LRMDA: variants seen among roughly 807,000 people sequenced by gnomAD.
LRMDA encodes leucine rich melanocyte differentiation associated.
A neutral mutation model predicts 29.8 loss-of-function variants in LRMDA; 18 were observed. That is an observed-to-expected ratio of 0.60 (90% CI 0.42 to 0.90). LRMDA has a LOEUF of 0.90. Among genes scored for constraint, LRMDA ranks in the 40% least tolerant of loss-of-function variants. The pLI, the probability that LRMDA is intolerant of heterozygous loss-of-function variation, is 0.00. For missense variants in LRMDA, 273 were observed against 273.9 expected (o/e 1.00, Z 0.02); for synonymous variants, 125 against 109.4 (o/e 1.14, Z -0.89).
intron 3 of LRMDA, among the ~76,000 whole-genome samples, chr10:76,044,388 G>A (rs998646945): frequency 6.6e-6 from 1 of 151,734 alleles, no homozygotes; most frequent in African/African-American, 2.4e-5. Context: ...GGCACCTGAG[G>A]TGTCTGTGCC....
intron 2 of LRMDA, among the ~76,000 whole-genome samples, chr10:75,618,367 T>C (rs1268964833): frequency 2.0e-5 from 1 of 51,174 alleles, no homozygotes; most frequent in Non-Finnish European, 5.0e-5. Flanking sequence ...TCTCTCTCTC[T>C]CTCTCTCTCT....
At chr10:75,993,036 A>G (rs575338224) in intron 2 of LRMDA, among the ~76,000 whole-genome samples, 1 of 152,300 alleles carries the variant, frequency 6.6e-6, no homozygotes, top group Non-Finnish European at 1.5e-5. Context: ...TTTATTTACA[A>G]CTTTTATTGG....
intron 5 of LRMDA, among the ~76,000 whole-genome samples, chr10:76,108,217 G>T (rs990483881): frequency 5.3e-5 from 8 of 152,086 alleles, no homozygotes; most frequent in Admixed American, 2.6e-4. Context: ...TTGGTAATTG[G>T]GTCTCTGATC....
chr10:75,481,063 G>A (rs1011030481), intron 2 of LRMDA, among the ~76,000 whole-genome samples: 14 of 152,142 alleles, frequency 9.2e-5, no homozygotes, highest in Non-Finnish European at 1.5e-4. Context: ...AGGACTCATC[G>A]GGTTTGAGGT....
chr10:75,585,808 C>T (rs1840648750), intron 2 of LRMDA, among the ~76,000 whole-genome samples: 1 of 152,142 alleles, frequency 6.6e-6, no homozygotes, highest in Admixed American at 6.5e-5. Context: ...AAACTTTATG[C>T]CCATTGATTA....
At chr10:76,363,217 GAGAA>G (rs796149725) in intron 6 of LRMDA, among the ~76,000 whole-genome samples, 2,344 of 18,012 alleles carry the variant, frequency 0.13, 468 homozygotes, top group East Asian at 0.51. Flanking sequence ...AGGGAAGGAA[GAGAA>G]AGAAAGAAAG....
intron 2 of LRMDA, among the ~76,000 whole-genome samples, chr10:75,754,899 T>A (rs558024654): frequency 6.6e-6 from 1 of 152,316 alleles, no homozygotes; most frequent in Admixed American, 6.5e-5. Context: ...TGGATAACTT[T>A]TCCTGCAATT....
intron 3 of LRMDA, among the ~76,000 whole-genome samples, chr10:76,037,970 T>C (rs1848280438): frequency 6.6e-6 from 1 of 152,214 alleles, no homozygotes; most frequent in Middle Eastern, 3.2e-3. Context: ...AATTTTCCCT[T>C]CTTATGTCTG....
At chr10:75,714,969 C>T (rs925225245) in intron 2 of LRMDA, among the ~76,000 whole-genome samples, 2 of 151,646 alleles carry the variant, frequency 1.3e-5, no homozygotes, top group Non-Finnish European at 2.9e-5. Context: ...TATGTGGAGA[C>T]AGGTCAAGGG....
intron 2 of LRMDA, among the ~76,000 whole-genome samples, chr10:75,759,933 A>G (rs1843075190): frequency 6.6e-6 from 1 of 152,238 alleles, no homozygotes; most frequent in Admixed American, 6.5e-5. Flanking sequence ...TTTATAAAGT[A>G]CATGCTTTGT....
At chr10:75,783,355 AT>A (rs1462892858) in intron 2 of LRMDA, among the ~76,000 whole-genome samples, 1 of 152,176 alleles carries the variant, frequency 6.6e-6, no homozygotes, top group Non-Finnish European at 1.5e-5. Context: ...ATCATCTTGC[AT>A]GCTAAATTCG....
intron 5 of LRMDA, among the ~76,000 whole-genome samples, chr10:76,207,246 G>A (rs1263439964): frequency 1.3e-5 from 2 of 152,174 alleles, no homozygotes; most frequent in East Asian, 3.9e-4. Context: ...CTTTACCAGG[G>A]GGAAGAGAAT....
At chr10:76,425,250 A>T (rs949488274) in intron 6 of LRMDA, among the ~76,000 whole-genome samples, 1 of 152,180 alleles carries the variant, frequency 6.6e-6, no homozygotes, top group Admixed American at 6.5e-5. Flanking sequence ...TGGCTTTATT[A>T]CCAATGTCAC....
chr10:76,058,911 A>C (rs1195479996), intron 5 of LRMDA, 128 bp downstream of exon 5: 1 of 732,058 alleles, frequency 1.4e-6, no homozygotes, highest in Non-Finnish European at 2.4e-6. Context: ...GGGTCCTTCC[A>C]TGGATACATT....
At chr10:76,096,872 G>A (rs1849319477) in intron 5 of LRMDA, among the ~76,000 whole-genome samples, 1 of 151,956 alleles carries the variant, frequency 6.6e-6, no homozygotes, top group African/African-American at 2.4e-5. Context: ...AATGGTATGA[G>A]CTTCGAAATT....
At chr10:75,728,208 A>G (rs554176891) in intron 2 of LRMDA, among the ~76,000 whole-genome samples, 14 of 152,138 alleles carry the variant, frequency 9.2e-5, no homozygotes, top group Non-Finnish European at 1.9e-4. Context: ...TTTCCATGAC[A>G]CTAAACTGCA....
chr10:76,115,300 T>C (rs1161778233), intron 5 of LRMDA, among the ~76,000 whole-genome samples: 1 of 152,258 alleles, frequency 6.6e-6, no homozygotes, highest in Non-Finnish European at 1.5e-5. Context: ...GACTCTTCAG[T>C]ACAAGCACAG....
intron 6 of LRMDA, among the ~76,000 whole-genome samples, chr10:76,451,697 G>T (rs1451723797): frequency 5.1e-5 from 6 of 118,192 alleles, no homozygotes; most frequent in African/African-American, 2.0e-4. Context: ...CAATCTTGTT[G>T]CCCTGGCTGG....
chr10:75,686,753 C>G (rs1368879146), intron 2 of LRMDA, among the ~76,000 whole-genome samples: 1 of 152,188 alleles, frequency 6.6e-6, no homozygotes, highest in Non-Finnish European at 1.5e-5. Context: ...TTTTATTGCA[C>G]TTTGCAGATA....
Sources: gnomAD v4.1 joint callset for allele counts (sites outside exome capture counted in the v4.1 genomes callset) on GRCh38, gnomAD v4.1.1 for gene constraint, MANE v1.5 for transcripts, NCBI Gene and HGNC (gene_info 2026-07-23, HGNC 2026-07-21) for gene names.